Variants in USP6NL observed in about 807,000 individuals in gnomAD.
USP6NL encodes the protein USP6 N-terminal-like protein.
In USP6NL, 26 loss-of-function variants were observed where a neutral mutation model predicts 61.9. The ratio of observed to expected loss-of-function variants is 0.42; its 90% CI spans 0.31 to 0.58. The LOEUF (loss-of-function observed/expected upper bound fraction) is 0.58, where lower values mean the gene tolerates loss of function less well. Ranked by LOEUF, USP6NL falls within the 20% of genes least tolerant of loss-of-function variation. The pLI is 0.16. For missense variants in USP6NL, 1,114 were observed against 1,034.3 expected (o/e 1.08, Z -1.06); for synonymous variants, 432 against 390.1 (o/e 1.11, Z -1.27).
rs144043015 is a variant in USP6NL, at chr10:11,592,704, A to G, written c.4+4927T>C. On this transcript the variant is annotated intron_variant, in intron 2 of 14. Coordinates refer to ENST00000609104, the MANE Select transcript of USP6NL (RefSeq NM_014688.5). This position sits in a 1 kb window ranked among gnomAD's most constrained non-coding sequence, Gnocchi z 4.7. ...AGCTATTCCACAAAACAGTTTATCT[A>G]TCTAGATAGGCTACTGTCCTAGAGA... Among the ~76,000 whole-genome samples, 32 of 152,340 alleles carry G rather than the reference A, an allele frequency of 2.1e-4. No individual in the cohort carries two copies. The highest frequency in any genetic ancestry group is 7.5e-4 in the African/African-American group (31 of 41,590).
chr10:11,588,943 G>C (rs1205108856), intron 2 of USP6NL, among the ~76,000 whole-genome samples: 1 of 152,070 alleles, frequency 6.6e-6, no homozygotes, highest in Non-Finnish European at 1.5e-5. Context: ...CCCATATATA[G>C]ATGTATACAA....
rs1291746919 is a variant in USP6NL, at chr10:11,553,691, T to TA, written c.5-26125dup. On this transcript the variant is annotated intron_variant, in intron 2 of 14. Transcript: ENST00000609104. This position sits in a 1 kb window ranked among gnomAD's most constrained non-coding sequence, Gnocchi z 4.8. ...GGGTGGATTATCTGAGGTCAGGAGT[T>TA]AAGAGACCAGCCTGACCAACATGAT... 6.6e-6 allele frequency among the ~76,000 whole-genome samples: 1 copy of TA among 151,858 alleles called. No individual in the cohort carries two copies.
At chr10:11,475,181 T>C (rs1425280999) in intron 14 of USP6NL, among the ~76,000 whole-genome samples, 2 of 151,672 alleles carry the variant, frequency 1.3e-5, no homozygotes, top group Admixed American at 6.6e-5. Context: ...AACAGAAAAC[T>C]AGGAAGCATT....
intron 3 of USP6NL, among the ~76,000 whole-genome samples, chr10:11,526,614 C>A (rs780558281): frequency 1.3e-5 from 2 of 152,158 alleles, no homozygotes; most frequent in Non-Finnish European, 2.9e-5. Context: ...CTGAGCATCA[C>A]CTGTATGCCT....
intron 2 of USP6NL, among the ~76,000 whole-genome samples, chr10:11,565,882 T>C (rs1184143265): frequency 2.0e-5 from 3 of 151,970 alleles, no homozygotes; most frequent in Admixed American, 6.6e-5. Flanking sequence ...ACAAACGTAG[T>C]TTTGATATTA....
chr10:11,587,297 T>G lies in USP6NL; in HGVS notation c.4+10334A>C, dbSNP rs577353224. Among the ~76,000 whole-genome samples the G allele has an allele frequency of 3.3e-5, 5 of 152,314 alleles. No individual in the cohort carries two copies. Among genetic ancestry groups the G allele is most frequent in the Admixed American group, 3.3e-4 (5 of 15,302 alleles). On this transcript the variant is annotated intron_variant, in intron 2 of 14. Coordinates refer to ENST00000609104, the MANE Select transcript of USP6NL (RefSeq NM_014688.5). This position sits in a 1 kb window ranked among gnomAD's most constrained non-coding sequence, Gnocchi z 4.5. ...TTCAAACACCATGACCCCTAAAATA[T>G]TTTAAGAAATTAATTTATAGTATCA...
At chr10:11,546,040 T>A in intron 2 of USP6NL, among the ~76,000 whole-genome samples, 1 of 152,364 alleles carries the variant, frequency 6.6e-6, no homozygotes, top group East Asian at 1.9e-4. Context: ...TTTAATACCA[T>A]TGATCTGGTA....
intron 2 of USP6NL, among the ~76,000 whole-genome samples, chr10:11,534,620 C>T (rs1425717118): frequency 6.6e-6 from 1 of 152,102 alleles, no homozygotes; most frequent in Non-Finnish European, 1.5e-5. Flanking sequence ...TGAAGACAAG[C>T]AATTAACAGA....
At chr10:11,504,341 T>C (rs1834345052) in intron 6 of USP6NL, among the ~76,000 whole-genome samples, 1 of 152,318 alleles carries the variant, frequency 6.6e-6, no homozygotes, top group South Asian at 2.1e-4. Context: ...CCCAGAACAG[T>C]AGTCCAGTTT....
At chr10:11,594,657 G>A (rs1331001949) in intron 2 of USP6NL, among the ~76,000 whole-genome samples, 1 of 152,040 alleles carries the variant, frequency 6.6e-6, no homozygotes, top group African/African-American at 2.4e-5. Context: ...CGCCAGCCTG[G>A]AATGCTTTGT....
intron 13 of USP6NL, among the ~76,000 whole-genome samples, chr10:11,483,183 TA>T (rs757638341): frequency 9.9e-5 from 15 of 152,142 alleles, no homozygotes; most frequent in Non-Finnish European, 1.9e-4. Context: ...GAACTTCACG[TA>T]AGTCTCTAAC....
intron 2 of USP6NL, among the ~76,000 whole-genome samples, chr10:11,534,736 T>C (rs1239982136): frequency 1.3e-5 from 2 of 152,092 alleles, no homozygotes; most frequent in Non-Finnish European, 2.9e-5. Context: ...TCTTCAACGT[T>C]AGGGATTATG....
intron 2 of USP6NL, chr10:11,563,891 T>C (rs943435378): frequency 1.3e-5 from 2 of 152,210 alleles, no homozygotes; most frequent in African/African-American, 4.8e-5. Flanking sequence ...AGGACAGCCA[T>C]TCCAAATTAG....
In USP6NL at chr10:11,489,357, C is replaced by CTGTAAAGAG; in HGVS notation, c.544-136_544-135insCTCTTTACA. 1.7e-6 allele frequency: 2 copies of CTGTAAAGAG among 1,153,512 alleles called. No homozygotes were observed. Among genetic ancestry groups the CTGTAAAGAG allele is most frequent in the Non-Finnish European group, 1.2e-6 (1 of 841,308 alleles). 71.5% of individuals were successfully genotyped at this position (1,153,512 alleles called of 1,614,324 possible). On this transcript the variant is annotated intron_variant, in intron 9 of 14. Coordinates refer to ENST00000609104, the MANE Select transcript of USP6NL (RefSeq NM_014688.5). The surrounding 1 kb of genome is among the most constrained non-coding windows in gnomAD (Gnocchi z 5.7). ...TAATGGTCCATTCTAGAGACAAATA[C>CTGTAAAGAG]TATACTCTTTACAGTATTATGCCAC...
At chr10:11,573,907 C>T (rs1412675141) in intron 2 of USP6NL, 2 of 365,792 alleles carry the variant, frequency 5.5e-6, no homozygotes, top group African/African-American at 2.1e-5. Flanking sequence ...GATTTCAGCA[C>T]GTGTGAAAGC....
chr10:11,598,401 T>G lies in USP6NL; in HGVS notation c.-83-684A>C, dbSNP rs1169464794. On this transcript the variant is annotated intron_variant, in intron 1 of 14. Transcript: ENST00000609104. The surrounding 1 kb of genome is among the most constrained non-coding windows in gnomAD (Gnocchi z 4.7). ...TTCCTTTCCACTTAAGAGCATAACATAAAACATCAACTTGTGTTAGTATTA... is the reference window on the plus strand; with the variant it reads ...TTCCTTTCCACTTAAGAGCATAACAGAAAACATCAACTTGTGTTAGTATTA... 6.6e-6 allele frequency among the ~76,000 whole-genome samples: 1 copy of G among 152,160 alleles called. No homozygotes were observed. The highest frequency in any genetic ancestry group is 1.5e-5 in the Non-Finnish European group (1 of 68,008).
chr10:11,516,807 T>C (rs906578602), intron 5 of USP6NL, among the ~76,000 whole-genome samples: 3 of 152,214 alleles, frequency 2.0e-5, no homozygotes, highest in African/African-American at 4.8e-5. Context: ...ATCAATTAAT[T>C]ATAAGCCTAA....
At chr10:11,509,313 A>G (rs1471253603) in intron 6 of USP6NL, among the ~76,000 whole-genome samples, 3 of 152,198 alleles carry the variant, frequency 2.0e-5, no homozygotes, top group Non-Finnish European at 4.4e-5. Flanking sequence ...GGAAGAAACT[A>G]TGGCACAGGC....
In USP6NL at chr10:11,598,196, AG is replaced by A. The variant is rs1267607898; in HGVS notation, c.-83-480del. Among the ~76,000 whole-genome samples, 6 of 152,234 alleles carry A rather than the reference AG, an allele frequency of 3.9e-5. No individual in the cohort carries two copies. Among genetic ancestry groups the A allele is most frequent in the African/African-American group, 1.4e-4 (6 of 41,466 alleles). On this transcript the variant is annotated intron_variant, in intron 1 of 14. Transcript: ENST00000609104. This position sits in a 1 kb window ranked among gnomAD's most constrained non-coding sequence, Gnocchi z 4.7. ...CAATGAATATTTTCTTCATTATAAAAGTAATATGGGTTCATTGTTTTAAAAA... is the reference window on the plus strand; with the variant it reads ...CAATGAATATTTTCTTCATTATAAAATAATATGGGTTCATTGTTTTAAAAA...
Sources: gnomAD v4.1 joint callset for allele counts (sites outside exome capture counted in the v4.1 genomes callset) on GRCh38, gnomAD v4.1.1 for gene constraint, Gnocchi (gnomAD v3.1) non-coding constraint, MANE v1.5 for transcripts, NCBI Gene and HGNC (gene_info 2026-07-23, HGNC 2026-07-21) for gene names.